C1orf21: variants seen among roughly 807,000 people sequenced by gnomAD.
The protein encoded by C1orf21 is chromosome 1 open reading frame 21, also known as uncharacterized protein C1orf21.
Under a neutral mutation model 18.7 loss-of-function variants are expected in C1orf21, and 3 were observed. The ratio of observed to expected loss-of-function variants is 0.16; its 90% CI spans 0.07 to 0.42. The LOEUF (loss-of-function observed/expected upper bound fraction) is 0.42. Among genes scored for constraint, C1orf21 ranks in the 10% least tolerant of loss-of-function variants. The probability of loss-of-function intolerance (pLI) is 0.99; values close to 1 mark genes in which losing one functional copy is unlikely to be tolerated. For synonymous variants in C1orf21, 41 were observed against 46.4 expected (o/e 0.88, Z 0.47); for missense variants, 104 against 143.6 (o/e 0.72, Z 1.41).
intron 3 of C1orf21, among the ~76,000 whole-genome samples, chr1:184,514,919 T>C (rs150080051): frequency 0.014 from 2,173 of 152,328 alleles, 26 homozygotes; most frequent in Non-Finnish European, 0.022. Flanking sequence ...TCTGTGGGTA[T>C]CCATATATGT....
intron 1 of C1orf21, among the ~76,000 whole-genome samples, chr1:184,417,066 A>G (rs1338449321): frequency 6.6e-6 from 1 of 152,152 alleles, no homozygotes; most frequent in Non-Finnish European, 1.5e-5. Context: ...TGAATGAATG[A>G]AAATCTCTTG....
At chr1:184,618,189 G>A (rs574977285) in intron 5 of C1orf21, among the ~76,000 whole-genome samples, 103 of 152,264 alleles carry the variant, frequency 6.8e-4, no homozygotes, top group Middle Eastern at 3.4e-3. Flanking sequence ...GATTACAGGC[G>A]TGAGCCACCG....
chr1:184,579,574 G>C (rs569206897), intron 3 of C1orf21, among the ~76,000 whole-genome samples: 6 of 140,178 alleles, frequency 4.3e-5, no homozygotes, highest in South Asian at 4.6e-4. Context: ...GCAGTGGCAC[G>C]ATCTCAGCTC....
chr1:184,399,620 G>A (rs1313482689), intron 1 of C1orf21, among the ~76,000 whole-genome samples: 1 of 152,064 alleles, frequency 6.6e-6, no homozygotes, highest in Non-Finnish European at 1.5e-5. Context: ...CTCCCAAAGT[G>A]CTCGGATTAT....
At chr1:184,440,224 T>A (rs886367839) in intron 1 of C1orf21, among the ~76,000 whole-genome samples, 1 of 152,124 alleles carries the variant, frequency 6.6e-6, no homozygotes, top group Non-Finnish European at 1.5e-5. Flanking sequence ...TCCTTTTTTA[T>A]TACTATTATT....
At chr1:184,425,280 T>C in intron 1 of C1orf21, among the ~76,000 whole-genome samples, 1 of 151,954 alleles carries the variant, frequency 6.6e-6, no homozygotes, top group East Asian at 1.9e-4. Context: ...TTTTTTTTTT[T>C]TCCTTGAGAC....
intron 5 of C1orf21, among the ~76,000 whole-genome samples, chr1:184,601,777 T>C (rs1177690811): frequency 6.6e-6 from 1 of 152,024 alleles, no homozygotes; most frequent in African/African-American, 2.4e-5. Context: ...GGCACACGCC[T>C]GTAGTCTCAG....
chr1:184,616,349 C>T (rs573926881), intron 5 of C1orf21, among the ~76,000 whole-genome samples: 2 of 152,336 alleles, frequency 1.3e-5, no homozygotes, highest in South Asian at 4.1e-4. Context: ...GAGCTTCCCC[C>T]GCAAGCATTA....
At chr1:184,492,186 A>G (rs1364739738) in intron 2 of C1orf21, among the ~76,000 whole-genome samples, 1 of 152,260 alleles carries the variant, frequency 6.6e-6, no homozygotes, top group African/African-American at 2.4e-5. Flanking sequence ...AGCCCAGTTT[A>G]TAGAGAAGCC....
chr1:184,475,818 G>A (rs1657562963), intron 1 of C1orf21, among the ~76,000 whole-genome samples: 1 of 149,028 alleles, frequency 6.7e-6, no homozygotes, highest in Non-Finnish European at 1.5e-5. Flanking sequence ...AGTTTGAGAT[G>A]AAGACTTGTT....
chr1:184,537,846 T>C (rs1658583900), intron 3 of C1orf21, among the ~76,000 whole-genome samples: 1 of 151,920 alleles, frequency 6.6e-6, no homozygotes, highest in African/African-American at 2.4e-5. Flanking sequence ...ACGGGGTTTC[T>C]TCATGTTGGT....
intron 5 of C1orf21, among the ~76,000 whole-genome samples, chr1:184,616,122 T>TC (rs752640626): frequency 3.9e-5 from 6 of 152,254 alleles, no homozygotes. Context: ...TTCTCAGGTC[T>TC]CCTTTCTTAG....
intron 5 of C1orf21, among the ~76,000 whole-genome samples, chr1:184,617,904 G>GTTTTTTTTTT (rs142357373): frequency 1.1e-5 from 1 of 87,504 alleles, no homozygotes; most frequent in Non-Finnish European, 2.3e-5. Flanking sequence ...TGTTGTTGTT[G>GTTTTTTTTTT]TTTTTTTTTT....
intron 2 of C1orf21, among the ~76,000 whole-genome samples, chr1:184,500,951 C>T (rs1657967316): frequency 6.6e-6 from 1 of 152,212 alleles, no homozygotes; most frequent in Non-Finnish European, 1.5e-5. Context: ...TGTGACTTCT[C>T]TGGCTCCTTC....
chr1:184,429,081 C>G (rs1264021344), intron 1 of C1orf21, among the ~76,000 whole-genome samples: 1 of 152,202 alleles, frequency 6.6e-6, no homozygotes, highest in Non-Finnish European at 1.5e-5. Flanking sequence ...CTCATTCATT[C>G]ACCAAGCATC....
intron 1 of C1orf21, among the ~76,000 whole-genome samples, chr1:184,394,757 C>T (rs1192766983): frequency 2.0e-5 from 3 of 152,114 alleles, no homozygotes; most frequent in Non-Finnish European, 4.4e-5. Context: ...ATTTTGTTAA[C>T]AGTTCTTGCA....
At chr1:184,485,695 T>C (rs753751166) in intron 2 of C1orf21, among the ~76,000 whole-genome samples, 5 of 151,984 alleles carry the variant, frequency 3.3e-5, no homozygotes, top group Non-Finnish European at 7.4e-5. Context: ...AGAGGCAGAA[T>C]TGGGAGGCAG....
intron 1 of C1orf21, among the ~76,000 whole-genome samples, chr1:184,394,640 G>A (rs898083539): frequency 3.3e-5 from 5 of 152,104 alleles, no homozygotes; most frequent in East Asian, 1.9e-4. Context: ...GAGATGCTGC[G>A]GGCTGCCAGG....
chr1:184,574,156 G>A (rs1659153389), intron 3 of C1orf21, among the ~76,000 whole-genome samples: 1 of 152,144 alleles, frequency 6.6e-6, no homozygotes, highest in Non-Finnish European at 1.5e-5. Flanking sequence ...CGTGAGCTGA[G>A]ATCACGCCAC....
Sources: gnomAD v4.1 joint callset for allele counts (sites outside exome capture counted in the v4.1 genomes callset) on GRCh38, gnomAD v4.1.1 for gene constraint, MANE v1.5 for transcripts, NCBI Gene and HGNC (gene_info 2026-07-23, HGNC 2026-07-21) for gene names.